Variants in CENPW observed in about 807,000 individuals in gnomAD.
CENPW encodes the protein centromere protein W.
CENPW carries 3 observed loss-of-function variants against 11.1 expected under a neutral mutation model. The observed-to-expected ratio is 0.27, with a 90% CI of 0.12 to 0.70. The LOEUF is 0.70. Among genes scored for constraint, CENPW ranks in the 30% least tolerant of loss-of-function variants. CENPW has a pLI of 0.77. For synonymous variants in CENPW, 38 were observed against 42.0 expected, an observed-to-expected ratio of 0.91 and a Z score of 0.37; for missense variants, 100 against 105.6, an observed-to-expected ratio of 0.95 and a Z score of 0.23.
chr6:126,402,557 G>A, the CENPW span, among the ~76,000 whole-genome samples: 1 of 110,466 alleles, frequency 9.1e-6, no homozygotes, highest in African/African-American at 3.5e-5. Flanking sequence ...CACCAATCTA[G>A]TTTCTTTTTC....
the CENPW span, among the ~76,000 whole-genome samples, chr6:126,452,094 G>A: frequency 1.8e-4 from 27 of 151,202 alleles, no homozygotes; most frequent in African/African-American, 5.8e-4. Context: ...GACTGCAGAA[G>A]ATGGGTTAGA....
the CENPW span, among the ~76,000 whole-genome samples, chr6:126,396,928 T>G: frequency 6.6e-6 from 1 of 151,988 alleles, no homozygotes; most frequent in Admixed American, 6.6e-5. Context: ...GTGTCTAAGA[T>G]GCAAGACAAA....
the CENPW span, among the ~76,000 whole-genome samples, chr6:126,445,376 G>A: frequency 6.6e-6 from 1 of 151,166 alleles, no homozygotes; most frequent in Admixed American, 6.6e-5. Context: ...TGAAGGTTTG[G>A]AAAGATTAAA....
chr6:126,465,635 A>G, the CENPW span, among the ~76,000 whole-genome samples: 1 of 152,164 alleles, frequency 6.6e-6, no homozygotes, highest in Admixed American at 6.6e-5. Context: ...AGCTACATGA[A>G]TCAAAACAGT....
chr6:126,360,651 G>A, the CENPW span, among the ~76,000 whole-genome samples: 3 of 150,368 alleles, frequency 2.0e-5, no homozygotes, highest in African/African-American at 7.3e-5. Flanking sequence ...CATTTGAGTT[G>A]ATTTGAAGAA....
chr6:126,427,788 G>A, the CENPW span, among the ~76,000 whole-genome samples: 1 of 152,152 alleles, frequency 6.6e-6, no homozygotes, highest in East Asian at 1.9e-4. Flanking sequence ...GTACAAGTTT[G>A]CATAGTGAGT....
the CENPW span, among the ~76,000 whole-genome samples, chr6:126,404,078 G>T: frequency 6.6e-6 from 1 of 152,008 alleles, no homozygotes; most frequent in Non-Finnish European, 1.5e-5. Flanking sequence ...CCTGGATGAT[G>T]ACACATCTGT....
the CENPW span, among the ~76,000 whole-genome samples, chr6:126,401,150 A>G: frequency 6.6e-6 from 1 of 152,100 alleles, no homozygotes; most frequent in South Asian, 2.1e-4. Flanking sequence ...AAATAAAGTT[A>G]TCTATGCTTG....
At chr6:126,348,030 G>A (rs1780441331) in intron 2 of CENPW, among the ~76,000 whole-genome samples, 1 of 151,858 alleles carries the variant, frequency 6.6e-6, no homozygotes, top group Non-Finnish European at 1.5e-5. Flanking sequence ...GTTTATAGTT[G>A]TGAAATGTCT....
At chr6:126,442,616 C>T in the CENPW span, among the ~76,000 whole-genome samples, 3 of 151,260 alleles carry the variant, frequency 2.0e-5, no homozygotes, top group South Asian at 2.1e-4. Flanking sequence ...CTTCATGAGC[C>T]TCTAAGTTTC....
At chr6:126,430,145 G>C in the CENPW span, among the ~76,000 whole-genome samples, 1 of 152,156 alleles carries the variant, frequency 6.6e-6, no homozygotes, top group Admixed American at 6.5e-5. Context: ...GAGCTGTTTT[G>C]TGTACTGACT....
At chr6:126,474,013 T>C in the CENPW span, among the ~76,000 whole-genome samples, 1 of 148,512 alleles carries the variant, frequency 6.7e-6, no homozygotes, top group Non-Finnish European at 1.5e-5. Flanking sequence ...ATATATATTC[T>C]ATGTATATAT....
At chr6:126,350,569 C>T (rs920793477), downstream of CENPW, among the ~76,000 whole-genome samples, 1 of 152,128 alleles carries the variant, frequency 6.6e-6, no homozygotes, top group Non-Finnish European at 1.5e-5. Flanking sequence ...TTTTGGGGGA[C>T]ACAAACATTT....
At chr6:126,475,995 A>T in the CENPW span, among the ~76,000 whole-genome samples, 5 of 152,040 alleles carry the variant, frequency 3.3e-5, no homozygotes, top group African/African-American at 4.8e-5. Context: ...AATTAATGCT[A>T]CAGCTAGTAG....
the CENPW span, among the ~76,000 whole-genome samples, chr6:126,405,607 GAA>G: frequency 6.6e-6 from 1 of 151,752 alleles, no homozygotes; most frequent in Non-Finnish European, 1.5e-5. Flanking sequence ...ACAGTTATTA[GAA>G]AAAATTAATT....
chr6:126,447,981 G>C, the CENPW span, among the ~76,000 whole-genome samples: 4 of 151,296 alleles, frequency 2.6e-5, no homozygotes, highest in East Asian at 7.8e-4. Flanking sequence ...CCTGTTCCAG[G>C]GTCAGCCCCC....
chr6:126,348,598 G>C lies in CENPW; in HGVS notation c.*106G>C, dbSNP rs1319891731. Reference sequence around the variant, plus strand: ...GTTAATATGGGATTATTAAATATTGGCTATAAGTGATGTGTGTGTTTGTAT... The same window carrying C: ...GTTAATATGGGATTATTAAATATTGCCTATAAGTGATGTGTGTGTTTGTAT... On this transcript the variant is annotated 3_prime_UTR_variant, in exon 3 of 3. Transcript: ENST00000368328. 1.0e-5 allele frequency: 7 copies of C among 694,426 alleles called. No individual in the cohort carries two copies. In the South Asian group the frequency reaches 1.1e-4, roughly 11 times the overall value. The allele number at this position is 694,426 out of a possible 1,614,324, so 43.0% of individuals were successfully genotyped here. A position where few individuals can be genotyped will look rare whatever the true frequency, so the allele number is the denominator to read the frequency against.
chr6:126,461,611 T>A, the CENPW span, among the ~76,000 whole-genome samples: 1 of 151,904 alleles, frequency 6.6e-6, no homozygotes, highest in Admixed American at 6.6e-5. Context: ...AATTCTTAGC[T>A]AAAAATTTTG....
At chr6:126,378,913 T>A in the CENPW span, among the ~76,000 whole-genome samples, 8 of 152,182 alleles carry the variant, frequency 5.3e-5, no homozygotes, top group African/African-American at 1.9e-4. Flanking sequence ...ATGGAAATAT[T>A]GTATATAGAA....
Sources: gnomAD v4.1 joint callset for allele counts (sites outside exome capture counted in the v4.1 genomes callset) on GRCh38, gnomAD v4.1.1 for gene constraint, MANE v1.5 for transcripts, NCBI Gene and HGNC (gene_info 2026-07-23, HGNC 2026-07-21) for gene names.